Variants in CACNA1D observed in about 807,000 individuals in gnomAD.
CACNA1D encodes the protein voltage-dependent L-type calcium channel subunit alpha-1D.
In CACNA1D, 55 loss-of-function variants were observed where a neutral mutation model predicts 257.1. That is an observed-to-expected ratio of 0.21 (90% CI 0.17 to 0.27). The LOEUF (loss-of-function observed/expected upper bound fraction) is 0.27. Ranked by LOEUF, CACNA1D falls within the 10% of genes least tolerant of loss-of-function variation. The pLI is 1.00. For missense variants in CACNA1D, 1,876 were observed against 2,784.0 expected (o/e 0.67, Z 7.34); for synonymous variants, 980 against 1,014.9 (o/e 0.97, Z 0.65).
chr3:53,606,876 A>G (rs2093517547), intron 3 of CACNA1D, among the ~76,000 whole-genome samples: 1 of 152,220 alleles, frequency 6.6e-6, no homozygotes, highest in South Asian at 2.1e-4. Context: ...ACTACTATAG[A>G]TTAGATTCAT....
In CACNA1D at chr3:53,723,369, G is replaced by A; in HGVS notation, c.1667-65G>A. 1.7e-6 allele frequency: 2 copies of A among 1,171,730 alleles called. No homozygotes were observed. Among genetic ancestry groups the A allele is most frequent in the Non-Finnish European group, 1.3e-6 (1 of 776,520 alleles). 72.6% of individuals were successfully genotyped at this position (1,171,730 alleles called of 1,614,324 possible). ...GGGCCTGATAGGGAGGGAGGTGTGA[G>A]GGGCACGAGCAGTCTGAGTGTCTTG... On this transcript the variant is annotated intron_variant, in intron 12 of 47. Transcript: ENST00000350061. This position sits in a 1 kb window ranked among gnomAD's most constrained non-coding sequence, Gnocchi z 5.6.
rs2095396178 is a variant in CACNA1D, at chr3:53,776,211, T to C, written c.4362+166T>C. Among the ~76,000 whole-genome samples, 8 of 152,234 alleles carry C rather than the reference T, an allele frequency of 5.3e-5. No individual in the cohort carries two copies. The South Asian group carries it at 1.7e-3, about 32-fold the overall frequency. On this transcript the variant is annotated intron_variant, in intron 35 of 47. Transcript: ENST00000350061. ...GGGCTTTTGTTTAACCAGGCGTGTG[T>C]CACTGCCGCCACCTTTGTAAGCAGA...
At position 53,751,960 on chromosome 3, in the gene CACNA1D, G is replaced by A. The variant is rs1183163224; in HGVS notation, c.3675+53G>A. On this transcript the variant is annotated intron_variant, in intron 28 of 47. Coordinates refer to ENST00000350061, the MANE Select transcript of CACNA1D (RefSeq NM_001128840.3). This position sits in a 1 kb window ranked among gnomAD's most constrained non-coding sequence, Gnocchi z 4.3. ...AGGTCCGGGCATTCCGCACAGCCCC[G>A]TGCCCCAAATGCTGAGGGTGGAATG... 2.4e-5 allele frequency: 38 copies of A among 1,567,224 alleles called. No individual in the cohort carries two copies. The highest frequency in any genetic ancestry group is 1.2e-4 in the African/African-American group (9 of 73,946).
At chr3:53,637,154 A>G (rs1026986237) in intron 3 of CACNA1D, among the ~76,000 whole-genome samples, 4 of 152,258 alleles carry the variant, frequency 2.6e-5, no homozygotes, top group Non-Finnish European at 5.9e-5. Flanking sequence ...ACCTAAAAGT[A>G]GAGTTGGAAA....
chr3:53,688,461 T>C (rs1341164367), intron 8 of CACNA1D, among the ~76,000 whole-genome samples: 2 of 152,212 alleles, frequency 1.3e-5, no homozygotes, highest in African/African-American at 4.8e-5. Context: ...TCTCTGACTT[T>C]TCTCACAGAG....
chr3:53,710,955 A>G (rs2612013), intron 9 of CACNA1D, among the ~76,000 whole-genome samples: 50,475 of 152,052 alleles, frequency 0.33, 8,680 homozygotes, highest in East Asian at 0.45. Context: ...AATTAGCTGG[A>G]TGCAGTGGCT....
chr3:53,730,097 G>T (rs982083010), intron 15 of CACNA1D, among the ~76,000 whole-genome samples: 1 of 152,072 alleles, frequency 6.6e-6, no homozygotes, highest in Non-Finnish European at 1.5e-5. Flanking sequence ...TTATGTTATA[G>T]ATTGTTTTAT....
At chr3:53,684,409 G>A (rs2094456813) in intron 8 of CACNA1D, among the ~76,000 whole-genome samples, 1 of 152,076 alleles carries the variant, frequency 6.6e-6, no homozygotes, top group African/African-American at 2.4e-5. Flanking sequence ...ATCACCTGAG[G>A]TGGGGAGTTT....
intron 3 of CACNA1D, among the ~76,000 whole-genome samples, chr3:53,560,846 G>A (rs934939411): frequency 6.6e-6 from 1 of 152,126 alleles, no homozygotes; most frequent in African/African-American, 2.4e-5. Flanking sequence ...TGTCATGGAT[G>A]GCTCTATGGC....
chr3:53,652,791 A>G (rs1266947584), intron 4 of CACNA1D, among the ~76,000 whole-genome samples: 1 of 152,176 alleles, frequency 6.6e-6, no homozygotes, highest in Admixed American at 6.5e-5. Context: ...ACATGGCCAC[A>G]CTCATTTGTT....
intron 4 of CACNA1D, among the ~76,000 whole-genome samples, chr3:53,657,618 A>T (rs548545131): frequency 6.6e-6 from 1 of 152,382 alleles, no homozygotes; most frequent in South Asian, 2.1e-4. Flanking sequence ...GAAAAACTTC[A>T]GAACATCAGA....
chr3:53,536,685 T>C (rs913204742), intron 3 of CACNA1D, among the ~76,000 whole-genome samples: 2 of 152,226 alleles, frequency 1.3e-5, no homozygotes, highest in African/African-American at 2.4e-5. Flanking sequence ...AATAGTAATA[T>C]CTTGTGACAT....
chr3:53,742,888 T>C lies in CACNA1D; in HGVS notation c.2812-123T>C, dbSNP rs2095131436. On this transcript the variant is annotated intron_variant, in intron 21 of 47. Transcript: ENST00000350061. ...TGTGGCTCAACCCCGTTGGTTTACA[T>C]TTCTGACTTCTTAATGCACACTTGT... 5 of 751,048 alleles carry C rather than the reference T, an allele frequency of 6.7e-6. No homozygotes were observed. In the African/African-American group the frequency reaches 8.6e-5, roughly 13 times the overall value. 46.5% of individuals were successfully genotyped at this position (751,048 alleles called of 1,614,324 possible). A position where few individuals can be genotyped will look rare whatever the true frequency, so the allele number is the denominator to read the frequency against.
Position 53,718,457 on chromosome 3 carries a change from C to T in CACNA1D, c.1478+69C>T, listed in dbSNP as rs1340883579. The stretch of plus-strand genomic sequence containing the variant: ...CAGAGAAGCAGGTGGTGAGGAAGAC[C>T]GCCCAGGCTGCAGCAGAGCCCCGGG... On this transcript the variant is annotated intron_variant, in intron 10 of 47. Transcript: ENST00000350061. The T allele has an allele frequency of 1.0e-5, 15 of 1,436,510 alleles. No individual in the cohort carries two copies. The East Asian group carries it at 1.1e-4, about 11-fold the overall frequency. The allele number at this position is 1,436,510 out of a possible 1,614,324, so 89.0% of individuals were successfully genotyped here. A position where few individuals can be genotyped will look rare whatever the true frequency, so the allele number is the denominator to read the frequency against.
intron 3 of CACNA1D, among the ~76,000 whole-genome samples, chr3:53,577,505 G>T (rs573549119): frequency 1.3e-5 from 2 of 152,186 alleles, no homozygotes; most frequent in Admixed American, 6.5e-5. Flanking sequence ...TCCCATGGAG[G>T]TATCTAAGTG....
intron 45 of CACNA1D, chr3:53,808,390 G>T (rs2095578150): frequency 2.3e-6 from 1 of 434,352 alleles, no homozygotes; most frequent in Admixed American, 3.5e-5. Context: ...CTCCAGCCTG[G>T]GCGACAGAGC....
At chr3:53,544,888 C>A (rs934233053) in intron 3 of CACNA1D, among the ~76,000 whole-genome samples, 1 of 152,154 alleles carries the variant, frequency 6.6e-6, no homozygotes, top group East Asian at 1.9e-4. Context: ...GCCACTGGAG[C>A]GTCTACCTCA....
At chr3:53,643,438 G>C (rs2093984699) in intron 3 of CACNA1D, among the ~76,000 whole-genome samples, 1 of 152,170 alleles carries the variant, frequency 6.6e-6, no homozygotes, top group Admixed American at 6.5e-5. Flanking sequence ...GTAGGGTCGT[G>C]AGTGGGAGGG....
At chr3:53,707,438 C>T (rs1212012892) in intron 9 of CACNA1D, among the ~76,000 whole-genome samples, 1 of 152,142 alleles carries the variant, frequency 6.6e-6, no homozygotes. Flanking sequence ...GGCAATCAGG[C>T]CTCTAACTGA....
Sources: allele counts gnomAD v4.1 joint callset (sites outside exome capture counted in the v4.1 genomes callset), GRCh38; gene constraint gnomAD v4.1.1; non-coding constraint Gnocchi (gnomAD v3.1); transcripts MANE v1.5; gene names NCBI Gene and HGNC (gene_info 2026-07-23, HGNC 2026-07-21).